The following PCDHGB3 variants were observed in gnomAD, a reference collection of about 807,000 sequenced individuals.
PCDHGB3 encodes the protein protocadherin gamma subfamily B, 3.
PCDHGB3 carries 40 observed loss-of-function variants against 59.2 expected under a neutral mutation model. The observed-to-expected ratio is 0.68, with a 90% CI of 0.52 to 0.88. PCDHGB3 has a LOEUF of 0.88. Ranked by LOEUF, PCDHGB3 falls within the 40% of genes least tolerant of loss-of-function variation. The probability of loss-of-function intolerance (pLI) is 0.00; values close to 1 mark genes in which losing one functional copy is unlikely to be tolerated. For synonymous variants in PCDHGB3, 581 were observed against 503.6 expected (o/e 1.15, Z -2.06); for missense variants, 1,309 against 1,187.9 (o/e 1.10, Z -1.50).
At chr5:141,384,379 G>C in intron 1 of PCDHGB3, 1 of 1,613,934 alleles carries the variant, frequency 6.2e-7, no homozygotes, top group Non-Finnish European at 8.5e-7. Flanking sequence ...CTTGGCCGAA[G>C]ACACCATCCA....
intron 1 of PCDHGB3, chr5:141,394,974 A>T: frequency 6.2e-7 from 1 of 1,613,852 alleles, no homozygotes; most frequent in Non-Finnish European, 8.5e-7. Context: ...GCGCTGGCAC[A>T]AGTCACGCCT....
intron 2 of PCDHGB3, among the ~76,000 whole-genome samples, chr5:141,496,013 T>C (rs2154591828): frequency 6.6e-6 from 1 of 152,134 alleles, no homozygotes; most frequent in East Asian, 1.9e-4. Flanking sequence ...CTTGTCTTTT[T>C]TCTCTGAGCC....
chr5:141,410,450 T>G, intron 1 of PCDHGB3: 1 of 1,614,052 alleles, frequency 6.2e-7, no homozygotes, highest in Non-Finnish European at 8.5e-7. Flanking sequence ...GACTTTGCCT[T>G]ATTCTTATAA....
intron 1 of PCDHGB3, among the ~76,000 whole-genome samples, chr5:141,402,439 G>C (rs1278186410): frequency 6.6e-6 from 1 of 151,914 alleles, no homozygotes; most frequent in East Asian, 1.9e-4. Context: ...TCATAAAAAG[G>C]AAATTATAAT....
intron 2 of PCDHGB3, among the ~76,000 whole-genome samples, chr5:141,500,428 C>G (rs1224554560): frequency 6.6e-6 from 1 of 151,836 alleles, no homozygotes; most frequent in African/African-American, 2.4e-5. Context: ...CCAGGATGGT[C>G]TCGATCTCCT....
intron 1 of PCDHGB3, chr5:141,383,263 G>C: frequency 1.9e-6 from 3 of 1,613,926 alleles, no homozygotes; most frequent in Non-Finnish European, 2.5e-6. Context: ...TATAGACGTG[G>C]AAATAATAGA....
In PCDHGB3 at chr5:141,417,959, C is replaced by T. The variant is rs759279387; in HGVS notation, c.2415+45150C>T. 7.4e-6 allele frequency: 12 copies of T among 1,613,616 alleles called. No homozygotes were observed. The highest frequency in any genetic ancestry group is 4.0e-5 in the African/African-American group (3 of 74,932). On this transcript the variant is annotated intron_variant, in intron 1 of 3. Coordinates refer to ENST00000576222, the MANE Select transcript of PCDHGB3 (RefSeq NM_018924.5). The stretch of plus-strand genomic sequence containing the variant: ...CTACCCCACGCTGTGTGAGCCGATC[C>T]GCTACTCGATTCCGGAGGAGCTGGC...
At chr5:141,470,900 G>A (rs1454085317) in intron 1 of PCDHGB3, among the ~76,000 whole-genome samples, 4 of 151,832 alleles carry the variant, frequency 2.6e-5, no homozygotes, top group African/African-American at 9.7e-5. Context: ...GTTTTTTGTA[G>A]AGATGGGACT....
chr5:141,404,965 C>A, intron 1 of PCDHGB3: 1 of 1,614,030 alleles, frequency 6.2e-7, no homozygotes, highest in Non-Finnish European at 8.5e-7. Context: ...TCCCAGACAT[C>A]CTGGCTGACC....
intron 1 of PCDHGB3, chr5:141,427,206 G>C (rs1224325038): frequency 1.1e-5 from 5 of 456,606 alleles, no homozygotes; most frequent in Admixed American, 2.3e-5. Context: ...AATAGACTTC[G>C]AATTTCGTAG....
intron 1 of PCDHGB3, chr5:141,441,111 G>A (rs1457975305): frequency 1.3e-5 from 2 of 152,194 alleles, no homozygotes; most frequent in Non-Finnish European, 1.5e-5. Flanking sequence ...TCATTGTCCA[G>A]TGTACAGTTG....
chr5:141,426,465 T>C, intron 1 of PCDHGB3: 1 of 315,366 alleles, frequency 3.2e-6, no homozygotes, highest in African/African-American at 2.2e-5. Context: ...ATGTTCAGGA[T>C]TTATTGACCT....
chr5:141,473,382 C>A (rs780229708), intron 1 of PCDHGB3, among the ~76,000 whole-genome samples: 12 of 152,190 alleles, frequency 7.9e-5, no homozygotes, highest in Non-Finnish European at 1.8e-4. Context: ...TGGTCCCTGC[C>A]CTCCTGGAGC....
At chr5:141,384,000 T>C (rs1160567279) in intron 1 of PCDHGB3, 2 of 1,613,774 alleles carry the variant, frequency 1.2e-6, no homozygotes, top group African/African-American at 1.3e-5. Flanking sequence ...CAGTCATTGC[T>C]CTTTTCTACC....
At position 141,372,007 on chromosome 5, in the gene PCDHGB3, G is replaced by T; in HGVS notation, c.1613G>T (p.Gly538Val). 1.9e-6 allele frequency: 3 copies of T among 1,613,298 alleles called. No homozygotes were observed. The highest frequency in any genetic ancestry group is 2.5e-6 in the Non-Finnish European group (3 of 1,179,758). ...CTCACTCTGCAGGCCCGCGACCAGGGCTCGCCTACGCTCAGCGCCAACGTG... is the reference window on the plus strand; with the variant it reads ...CTCACTCTGCAGGCCCGCGACCAGGTCTCGCCTACGCTCAGCGCCAACGTG... ...FELTLQARDQ[G>V]SPTLSANVSL... Residue 538 changes from glycine to valine, a missense_variant, in exon 1 of 4, where the codon GGC becomes GTC. Coordinates refer to ENST00000576222, the MANE Select transcript of PCDHGB3 (RefSeq NM_018924.5).
chr5:141,442,561 G>C (rs2098332268), intron 1 of PCDHGB3: 1 of 152,198 alleles, frequency 6.6e-6, no homozygotes, highest in African/African-American at 2.4e-5. Context: ...ACTAAGTTCA[G>C]TCACAAGCAG....
rs367939205 is a variant in PCDHGB3 at position 141,383,529 on chromosome 5, G to A, written c.2415+10720G>A. ...GGGAGGAAGAGCGGGTTCACCACCT[G>A]GTCCTCACAGCCTCTGATGGCGGCG... On this transcript the variant is annotated intron_variant, in intron 1 of 3. Transcript: ENST00000576222. The A allele has an allele frequency of 3.0e-5, 48 of 1,612,474 alleles. No homozygotes were observed. The African/African-American group carries it at 5.7e-4, about 19-fold the overall frequency.
At chr5:141,446,922 T>G (rs939249512) in intron 1 of PCDHGB3, among the ~76,000 whole-genome samples, 1 of 152,220 alleles carries the variant, frequency 6.6e-6, no homozygotes, top group Non-Finnish European at 1.5e-5. Context: ...TTTATCTTCC[T>G]GATCTCTTTT....
Position 141,370,485 on chromosome 5 carries a change from GA to G in PCDHGB3, c.93del (p.Glu31AspfsTer17). The G allele has an allele frequency of 6.2e-7, 1 of 1,613,916 alleles. No homozygotes were observed. The highest frequency in any genetic ancestry group is 1.1e-5 in the South Asian group (1 of 91,082). On this transcript the variant is annotated frameshift_variant, in exon 1 of 4. Coordinates refer to ENST00000576222, the MANE Select transcript of PCDHGB3 (RefSeq NM_018924.5). LOFTEE classifies it high-confidence loss of function. ...LLSLLDQALS[E>X]PIRYAIPEEL... ...CTCTTTGTTAGACCAGGCTCTCTCC[GA>G]ACCGATCCGCTACGCTATTCCCGAG...
Sources: gnomAD v4.1 joint callset for allele counts (sites outside exome capture counted in the v4.1 genomes callset) on GRCh38, gnomAD v4.1.1 for gene constraint, MANE v1.5 for transcripts, NCBI Gene and HGNC (gene_info 2026-07-23, HGNC 2026-07-21) for gene names.